Variants in ANKRD12 observed in about 807,000 individuals in gnomAD.
The protein encoded by ANKRD12 is ankyrin repeat domain-containing protein 12.
ANKRD12 carries 85 observed loss-of-function variants against 183.4 expected under a neutral mutation model. That is an observed-to-expected ratio of 0.46 (90% CI 0.39 to 0.56). The LOEUF (loss-of-function observed/expected upper bound fraction) is 0.56, where lower values mean the gene tolerates loss of function less well. Ranked by LOEUF, ANKRD12 falls within the 20% of genes least tolerant of loss-of-function variation. The probability of loss-of-function intolerance (pLI) is 0.00; values close to 1 mark genes in which losing one functional copy is unlikely to be tolerated. For synonymous variants in ANKRD12, 914 were observed against 800.2 expected, an observed-to-expected ratio of 1.14 and a Z score of -2.40; for missense variants, 2,405 against 2,357.1, an observed-to-expected ratio of 1.02 and a Z score of -0.42.
intron 1 of ANKRD12, among the ~76,000 whole-genome samples, chr18:9,140,606 C>A (rs1047152276): frequency 6.6e-6 from 1 of 152,128 alleles, no homozygotes; most frequent in African/African-American, 2.4e-5. Flanking sequence ...TGCTAGTTTT[C>A]AGGTACGCAA....
At chr18:9,277,389 A>G (rs974674387) in intron 11 of ANKRD12, among the ~76,000 whole-genome samples, 1 of 136,728 alleles carries the variant, frequency 7.3e-6, no homozygotes, top group Non-Finnish European at 1.5e-5. Flanking sequence ...GTGCAGTGGC[A>G]CGATCTCGGC....
chr18:9,137,500 C>T (rs2078153380), intron 1 of ANKRD12: 3 of 146,696 alleles, frequency 2.0e-5, no homozygotes, highest in Non-Finnish European at 4.5e-5. Flanking sequence ...GGGGGCGCGC[C>T]CGGCCCGCCG....
intron 1 of ANKRD12, among the ~76,000 whole-genome samples, chr18:9,158,331 C>G (rs2143722310): frequency 6.6e-6 from 1 of 152,106 alleles, no homozygotes; most frequent in Non-Finnish European, 1.5e-5. Context: ...TTTGAATGTC[C>G]TTTTTCTGTT....
At chr18:9,220,782 C>T (rs1450722073) in intron 7 of ANKRD12, among the ~76,000 whole-genome samples, 1 of 152,132 alleles carries the variant, frequency 6.6e-6, no homozygotes, top group Non-Finnish European at 1.5e-5. Context: ...TCATCACATT[C>T]AGAGTGGATA....
At chr18:9,204,659 A>G (rs1056934003) in intron 4 of ANKRD12, 115 bp downstream of exon 4, 116 of 782,012 alleles carry the variant, frequency 1.5e-4, no homozygotes, top group Non-Finnish European at 9.5e-5. Context: ...CTTTGGTTAA[A>G]TAAATGAACT....
intron 2 of ANKRD12, among the ~76,000 whole-genome samples, chr18:9,183,142 C>T (rs2144197124): frequency 6.6e-6 from 1 of 152,258 alleles, no homozygotes; most frequent in East Asian, 1.9e-4. Context: ...AACCCTAAAC[C>T]CTCCAGGCAA....
At position 9,211,592 on chromosome 18, in the gene ANKRD12, C is replaced by G; in HGVS notation, c.460C>G (p.Pro154Ala). The change falls in exon 6 of 13, where the codon CCA becomes GCA. Residue 154 changes from proline to alanine, a missense_variant. By Grantham distance (27) the Pro-to-Ala change is conservative. This residue lies in a region of ANKRD12 where 35 missense variants were observed against 37.5 expected (regional missense o/e 0.93). Coordinates refer to ENST00000262126, the MANE Select transcript of ANKRD12 (RefSeq NM_015208.5). ...TTTCTTCTTTCTTACAGATTCCACA[C>G]CAAATCATCCATCACAAACAACGCC... ...TARDNSPDST[P>A]NHPSQTTPAQ... 6.2e-7 allele frequency: 1 copy of G among 1,613,648 alleles called. No homozygotes were observed. The highest frequency in any genetic ancestry group is 8.5e-7 in the Non-Finnish European group (1 of 1,179,744).
chr18:9,142,137 C>G (rs74721698), intron 1 of ANKRD12, among the ~76,000 whole-genome samples: 2 of 152,114 alleles, frequency 1.3e-5, no homozygotes, highest in African/African-American at 4.8e-5. Context: ...GATTGTTACT[C>G]CTACATAGGA....
At chr18:9,166,183 G>A (rs1359941820) in intron 1 of ANKRD12, among the ~76,000 whole-genome samples, 16 of 152,178 alleles carry the variant, frequency 1.1e-4, no homozygotes, top group Admixed American at 2.0e-4. Flanking sequence ...ATAAACATAC[G>A]TGTGCATGTG....
intron 8 of ANKRD12, among the ~76,000 whole-genome samples, chr18:9,243,883 C>T (rs2037799229): frequency 6.6e-6 from 1 of 152,102 alleles, no homozygotes; most frequent in African/African-American, 2.4e-5. Flanking sequence ...GCCTGTAATC[C>T]CAGCACTTTG....
chr18:9,242,893 G>T (rs1421394234), intron 8 of ANKRD12, among the ~76,000 whole-genome samples: 1 of 152,076 alleles, frequency 6.6e-6, no homozygotes, highest in African/African-American at 2.4e-5. Context: ...ATGAAAATAA[G>T]TTCTTATCTG....
intron 1 of ANKRD12, among the ~76,000 whole-genome samples, chr18:9,169,836 T>C (rs1165840269): frequency 2.6e-5 from 4 of 152,338 alleles, no homozygotes; most frequent in Non-Finnish European, 4.4e-5. Flanking sequence ...GGCATGTTTT[T>C]GCAGTGGCTG....
chr18:9,163,517 C>CT (rs1348488675), intron 1 of ANKRD12, among the ~76,000 whole-genome samples: 7 of 151,982 alleles, frequency 4.6e-5, no homozygotes, highest in African/African-American at 1.7e-4. Flanking sequence ...TATACGGGCT[C>CT]TTTTTTGGTA....
At position 9,211,736 on chromosome 18, in the gene ANKRD12, A is replaced by T; in HGVS notation, c.604A>T (p.Lys202Ter). 1 of 1,613,816 alleles carries T rather than the reference A, an allele frequency of 6.2e-7. No individual in the cohort carries two copies. Residue 202 changes from lysine (K) to a stop codon, truncating the protein, a stop_gained, in exon 6 of 13, where the codon AAA (lysine) becomes TAA (stop). Transcript: ENST00000262126. LOFTEE classifies it high-confidence loss of function. ...AAIRGDVKQV[K>*]ELISLGANVN... ...TATTCGAGGAGATGTGAAACAAGTTAAAGAATTAATAAGTTTAGGGGCAAA... is the reference window on the plus strand; with the variant it reads ...TATTCGAGGAGATGTGAAACAAGTTTAAGAATTAATAAGTTTAGGGGCAAA...
At position 9,269,587 on chromosome 18, in the gene ANKRD12, A is replaced by G. The variant is rs530103632; in HGVS notation, c.5763+5699A>G. The stretch of plus-strand genomic sequence containing the variant: ...GCCAAATGTAGAAAGCTGAAACTGG[A>G]TCCCTTCCTTACACCTTATACAAAA... On this transcript the variant is annotated intron_variant, in intron 10 of 12. Transcript: ENST00000262126. 4.2e-3 allele frequency among the ~76,000 whole-genome samples: 645 copies of G among 152,340 alleles called. 8 individuals are homozygous for G. The highest frequency in any genetic ancestry group is 3.7e-3 in the Non-Finnish European group (253 of 68,030).
chr18:9,280,261 G>C (rs963484915), intron 12 of ANKRD12, among the ~76,000 whole-genome samples: 1 of 152,106 alleles, frequency 6.6e-6, no homozygotes, highest in Non-Finnish European at 1.5e-5. Context: ...GTTCACAATA[G>C]GGTTTGAGCT....
intron 2 of ANKRD12, among the ~76,000 whole-genome samples, chr18:9,193,578 T>G (rs144740000): frequency 1.3e-5 from 2 of 152,312 alleles, no homozygotes; most frequent in African/African-American, 2.4e-5. Context: ...ACCAAAGGTT[T>G]GTTAATTTAT....
At chr18:9,220,950 A>G (rs1015485083) in intron 7 of ANKRD12, among the ~76,000 whole-genome samples, 1 of 152,154 alleles carries the variant, frequency 6.6e-6, no homozygotes, top group African/African-American at 2.4e-5. Context: ...TGAAGGGCCA[A>G]TAAGTAACAG....
At chr18:9,244,088 C>T (rs1336001141) in intron 8 of ANKRD12, among the ~76,000 whole-genome samples, 2 of 152,106 alleles carry the variant, frequency 1.3e-5, no homozygotes, top group Admixed American at 6.5e-5. Context: ...GAGCCGAGGT[C>T]GCACCACTGC....
Sources: gnomAD v4.1 joint callset for allele counts (sites outside exome capture counted in the v4.1 genomes callset) on GRCh38, gnomAD v4.1.1 for gene constraint, gnomAD v4.1.1 regional missense constraint, MANE v1.5 for transcripts, NCBI Gene and HGNC (gene_info 2026-07-23, HGNC 2026-07-21) for gene names.